MYO3A: variants seen among roughly 807,000 people sequenced by gnomAD.
MYO3A encodes the protein myosin-IIIa.
In MYO3A, 180 loss-of-function variants were observed where a neutral mutation model predicts 192.7. The observed-to-expected ratio is 0.93, with a 90% CI of 0.83 to 1.06. The LOEUF is 1.06. MYO3A is among the 50% of genes least tolerant of loss of function. The probability of loss-of-function intolerance (pLI) is 0.00; values close to 1 mark genes in which losing one functional copy is unlikely to be tolerated. For missense variants in MYO3A, 1,896 were observed against 1,905.0 expected (o/e 1.00, Z 0.09); for synonymous variants, 628 against 645.3 (o/e 0.97, Z 0.41).
chr10:26,115,259 A>AGACT (rs1436040824), intron 17 of MYO3A, among the ~76,000 whole-genome samples: 1 of 152,214 alleles, frequency 6.6e-6, no homozygotes, highest in African/African-American at 2.4e-5. Flanking sequence ...AGAGGCAAGG[A>AGACT]GACTGGTCAA....
At chr10:26,070,474 T>A in intron 14 of MYO3A, 73 bp downstream of exon 14, 1 of 1,267,622 alleles carries the variant, frequency 7.9e-7, no homozygotes. Flanking sequence ...ACTGATTAGA[T>A]TAATATTCTC....
chr10:26,128,264 T>G, intron 19 of MYO3A, 127 bp from the exon 20 acceptor site: 2 of 929,316 alleles, frequency 2.2e-6, no homozygotes, highest in Non-Finnish European at 1.7e-6. Flanking sequence ...GTTAAGAAAG[T>G]TTCACTCTAA....
At chr10:26,120,236 G>T (rs143435265) in intron 17 of MYO3A, among the ~76,000 whole-genome samples, 6 of 152,046 alleles carry the variant, frequency 3.9e-5, no homozygotes, top group African/African-American at 1.4e-4. Context: ...GGGATCTTTT[G>T]ATTTTTCTTT....
chr10:26,114,889 G>A (rs953691509), intron 17 of MYO3A, among the ~76,000 whole-genome samples: 2 of 152,208 alleles, frequency 1.3e-5, no homozygotes, highest in South Asian at 2.1e-4. Flanking sequence ...AGAATTTCAC[G>A]GAAACACGAA....
chr10:26,045,612 A>G (rs754262926), intron 10 of MYO3A, among the ~76,000 whole-genome samples: 1 of 152,132 alleles, frequency 6.6e-6, no homozygotes, highest in Non-Finnish European at 1.5e-5. Flanking sequence ...GACTTTTGTT[A>G]TAGTGTTGGG....
chr10:26,004,871 A>G (rs1265017746), intron 6 of MYO3A, among the ~76,000 whole-genome samples: 1 of 152,206 alleles, frequency 6.6e-6, no homozygotes, highest in Non-Finnish European at 1.5e-5. Context: ...GGGAGAAGCA[A>G]AAGCTTTTCC....
chr10:26,111,562 G>A (rs970350282), intron 17 of MYO3A, among the ~76,000 whole-genome samples: 2 of 151,964 alleles, frequency 1.3e-5, no homozygotes, highest in African/African-American at 2.4e-5. Context: ...TCCTCCCTCA[G>A]TCCTCCCTAA....
chr10:26,048,358 T>G (rs1014985212), intron 10 of MYO3A, among the ~76,000 whole-genome samples: 1 of 152,018 alleles, frequency 6.6e-6, no homozygotes, highest in Non-Finnish European at 1.5e-5. Flanking sequence ...ACAGCTTGTT[T>G]TTTTTTTTTA....
chr10:25,986,081 A>G (rs559233777), intron 4 of MYO3A, among the ~76,000 whole-genome samples: 6 of 152,360 alleles, frequency 3.9e-5, no homozygotes, highest in Non-Finnish European at 5.9e-5. Context: ...GACACACTAC[A>G]TAAACAGAAT....
At chr10:25,956,242 A>G (rs1034913064) in intron 4 of MYO3A, among the ~76,000 whole-genome samples, 12 of 152,170 alleles carry the variant, frequency 7.9e-5, no homozygotes, top group Non-Finnish European at 1.2e-4. Flanking sequence ...GTTTCAACAC[A>G]TGAATTTTGG....
chr10:26,121,069 G>A (rs965902373), intron 18 of MYO3A, among the ~76,000 whole-genome samples: 4 of 151,778 alleles, frequency 2.6e-5, no homozygotes, highest in East Asian at 1.9e-4. Context: ...CGATATAAAA[G>A]CACAGATAGT....
In MYO3A at chr10:25,968,319, A is replaced by C. The variant is rs73610378; in HGVS notation, c.303+13311A>C. ...TATTCAGTGAAAATGTTATTCATAA[A>C]TAAAGACAAAATTAAAACAGACATT... On this transcript the variant is annotated intron_variant, in intron 4 of 34. Coordinates refer to ENST00000642920, the MANE Select transcript of MYO3A (RefSeq NM_017433.5). 3.0e-3 allele frequency among the ~76,000 whole-genome samples: 455 copies of C among 152,348 alleles called. 2 individuals are homozygous for C. The highest frequency in any genetic ancestry group is 0.011 in the African/African-American group (437 of 41,578).
intron 34 of MYO3A, among the ~76,000 whole-genome samples, chr10:26,205,514 T>C (rs527630921): frequency 6.7e-6 from 1 of 149,896 alleles, no homozygotes; most frequent in South Asian, 2.2e-4. Context: ...GAGATCATGC[T>C]ATATTTGTCT....
chr10:26,147,324 T>C (rs1459040236), intron 22 of MYO3A, 106 bp from the exon 23 acceptor site: 14 of 1,201,166 alleles, frequency 1.2e-5, no homozygotes, highest in Non-Finnish European at 1.6e-5. Flanking sequence ...TTGCTGAACA[T>C]AGAGTAAGCT....
At position 26,174,100 on chromosome 10, in the gene MYO3A, C is replaced by T; in HGVS notation, c.3836C>T (p.Thr1279Ile). ...YPVPWLAENE[T>I]SFKKTLEPTL... ...GTGCCTTGGTTAGCTGAAAATGAGA[C>T]TTCCTTTAAAAAAACTTTGGAACCT... The change falls in exon 30 of 35, where the codon ACT becomes ATT. Residue 1279 changes from threonine to isoleucine, a missense_variant. By Grantham distance (89) the Thr-to-Ile change is moderately conservative. Coordinates refer to ENST00000642920, the MANE Select transcript of MYO3A (RefSeq NM_017433.5). The T allele has an allele frequency of 6.2e-7, 1 of 1,614,154 alleles. No individual in the cohort carries two copies. The highest frequency in any genetic ancestry group is 8.5e-7 in the Non-Finnish European group (1 of 1,180,018).
At chr10:26,013,295 A>G (rs1841787405) in intron 6 of MYO3A, among the ~76,000 whole-genome samples, 1 of 152,020 alleles carries the variant, frequency 6.6e-6, no homozygotes, top group South Asian at 2.1e-4. Flanking sequence ...TTAACTAAAA[A>G]TCTTCTGCAC....
intron 4 of MYO3A, among the ~76,000 whole-genome samples, chr10:25,955,395 A>T (rs892002383): frequency 2.6e-5 from 4 of 152,216 alleles, no homozygotes; most frequent in Non-Finnish European, 5.9e-5. Flanking sequence ...AGGCTTCATT[A>T]GACAAAAATA....
chr10:26,181,398 G>C (rs1156528708), intron 31 of MYO3A, among the ~76,000 whole-genome samples: 1 of 152,154 alleles, frequency 6.6e-6, no homozygotes, highest in African/African-American at 2.4e-5. Context: ...AAACCTTCTA[G>C]AGATTCCAAA....
chr10:26,057,546 T>TGA (rs1309737405), intron 10 of MYO3A, among the ~76,000 whole-genome samples: 1 of 152,192 alleles, frequency 6.6e-6, no homozygotes, highest in Non-Finnish European at 1.5e-5. Context: ...ATTGGAAGCT[T>TGA]GAAATGTAGA....
Sources: allele counts gnomAD v4.1 joint callset (sites outside exome capture counted in the v4.1 genomes callset), GRCh38; gene constraint gnomAD v4.1.1; transcripts MANE v1.5; gene names NCBI Gene and HGNC (gene_info 2026-07-23, HGNC 2026-07-21).